The following CADM2 variants were observed in gnomAD, a reference collection of about 807,000 sequenced individuals.
CADM2 encodes the protein cell adhesion molecule 2, also known as immunoglobulin superfamily member 4D.
In CADM2, 12 loss-of-function variants were observed where a neutral mutation model predicts 49.8. That is an observed-to-expected ratio of 0.24 (90% confidence interval 0.15 to 0.39). The LOEUF is 0.39. CADM2 is among the 10% of genes least tolerant of loss of function. The pLI is 1.00. For missense variants in CADM2, 378 were observed against 492.3 expected (o/e 0.77, Z 2.20); for synonymous variants, 214 against 175.4 (o/e 1.22, Z -1.74).
intron 7 of CADM2, among the ~76,000 whole-genome samples, chr3:85,943,463 T>C (rs1224651417): frequency 6.7e-6 from 1 of 148,708 alleles, no homozygotes; most frequent in African/African-American, 2.5e-5. Flanking sequence ...GTTTTTATGG[T>C]TTTAGGTCTA....
intron 1 of CADM2, among the ~76,000 whole-genome samples, chr3:85,055,203 G>A (rs182322995): frequency 2.5e-3 from 384 of 152,012 alleles, no homozygotes; most frequent in African/African-American, 8.0e-3. Context: ...GGATAAATGA[G>A]AAAGAACTAT....
chr3:85,797,658 A>T (rs2071710168), intron 2 of CADM2, among the ~76,000 whole-genome samples: 4 of 152,114 alleles, frequency 2.6e-5, no homozygotes, highest in African/African-American at 4.8e-5. Flanking sequence ...CCAGTCTAAC[A>T]TTGGTGGGCA....
At chr3:85,451,674 G>C (rs894793593) in intron 1 of CADM2, among the ~76,000 whole-genome samples, 2 of 152,142 alleles carry the variant, frequency 1.3e-5, no homozygotes, top group Non-Finnish European at 2.9e-5. Context: ...TAGTTAGTGA[G>C]TGAATGGATT....
chr3:85,326,937 G>T (rs1472274621), intron 1 of CADM2, among the ~76,000 whole-genome samples: 2 of 150,986 alleles, frequency 1.3e-5, no homozygotes, highest in African/African-American at 4.9e-5. Context: ...TTCAGAGAAA[G>T]ATTAGATCAA....
At chr3:85,540,224 A>G (rs548791340) in intron 1 of CADM2, among the ~76,000 whole-genome samples, 2 of 152,268 alleles carry the variant, frequency 1.3e-5, no homozygotes, top group East Asian at 3.9e-4. Flanking sequence ...ATACTAAATT[A>G]TAACCTGTAG....
At chr3:85,815,745 G>A (rs1022619795) in intron 3 of CADM2, among the ~76,000 whole-genome samples, 2 of 152,192 alleles carry the variant, frequency 1.3e-5, no homozygotes, top group Non-Finnish European at 2.9e-5. Flanking sequence ...GTTCTGGCCC[G>A]GACAATGAGG....
At chr3:85,305,431 A>T (rs1286594962) in intron 1 of CADM2, among the ~76,000 whole-genome samples, 1 of 151,724 alleles carries the variant, frequency 6.6e-6, no homozygotes, top group Non-Finnish European at 1.5e-5. Flanking sequence ...ACAGACAGTC[A>T]TTAGTAGAAA....
At chr3:85,965,357 C>T (rs1577803161) in intron 8 of CADM2, among the ~76,000 whole-genome samples, 1 of 149,814 alleles carries the variant, frequency 6.7e-6, no homozygotes, top group Non-Finnish European at 1.5e-5. Flanking sequence ...ATATGACATA[C>T]TTTGTAAATG....
chr3:85,206,651 A>C (rs554321518), intron 1 of CADM2, among the ~76,000 whole-genome samples: 1 of 152,072 alleles, frequency 6.6e-6, no homozygotes, highest in African/African-American at 2.4e-5. Context: ...CTTTTTTCAG[A>C]CTGTCTTGAT....
chr3:85,720,714 T>C (rs1265312631), intron 1 of CADM2, among the ~76,000 whole-genome samples: 1 of 152,200 alleles, frequency 6.6e-6, no homozygotes, highest in African/African-American at 2.4e-5. Context: ...GATGCTATTT[T>C]AATAAGTTTC....
intron 8 of CADM2, among the ~76,000 whole-genome samples, chr3:86,007,158 C>T (rs1730902601): frequency 7.5e-6 from 1 of 132,922 alleles, no homozygotes; most frequent in Non-Finnish European, 1.6e-5. Context: ...TCCCGAAATT[C>T]TTATGTCCTG....
intron 1 of CADM2, among the ~76,000 whole-genome samples, chr3:85,194,341 T>A (rs2041287460): frequency 6.6e-6 from 1 of 151,992 alleles, no homozygotes; most frequent in South Asian, 2.1e-4. Context: ...CTTAAAACAT[T>A]GGGAAACTAA....
At chr3:85,468,178 A>C (rs1035215816) in intron 1 of CADM2, among the ~76,000 whole-genome samples, 1 of 150,616 alleles carries the variant, frequency 6.6e-6, no homozygotes, top group Admixed American at 6.6e-5. Context: ...AAAAAAAAAA[A>C]AAACATTGAG....
intron 1 of CADM2, among the ~76,000 whole-genome samples, chr3:84,986,095 T>C (rs765200634): frequency 4.6e-5 from 7 of 152,122 alleles, no homozygotes; most frequent in Non-Finnish European, 1.0e-4. Context: ...ACATTTAACA[T>C]AGAGAATTAG....
Position 85,110,066 on chromosome 3 carries a change from A to G in CADM2, c.61+150398A>G, listed in dbSNP as rs191804621. Reference sequence around the variant, plus strand: ...GACACTTGGAAAAATACAAGTATTCATTGATGAGGATATTTAATGTTGTGC... The same window carrying G: ...GACACTTGGAAAAATACAAGTATTCGTTGATGAGGATATTTAATGTTGTGC... On this transcript the variant is annotated intron_variant, in intron 1 of 9. Transcript: ENST00000383699. Among the ~76,000 whole-genome samples, 29 of 152,054 alleles carry G rather than the reference A, an allele frequency of 1.9e-4. No individual in the cohort carries two copies. The South Asian group carries it at 5.8e-3, about 30-fold the overall frequency.
chr3:85,034,018 G>C (rs2035099661), intron 1 of CADM2, among the ~76,000 whole-genome samples: 1 of 151,646 alleles, frequency 6.6e-6, no homozygotes, highest in African/African-American at 2.4e-5. Context: ...TATATTTATG[G>C]AGTACAATGA....
At chr3:85,028,076 T>C (rs1005036625) in intron 1 of CADM2, among the ~76,000 whole-genome samples, 1 of 152,214 alleles carries the variant, frequency 6.6e-6, no homozygotes, top group Non-Finnish European at 1.5e-5. Context: ...TCATAGGATA[T>C]GTGAGGCGTT....
At chr3:85,220,042 A>G (rs185312814) in intron 1 of CADM2, among the ~76,000 whole-genome samples, 100 of 152,290 alleles carry the variant, frequency 6.6e-4, no homozygotes, top group African/African-American at 2.3e-3. Context: ...TAATTAGTCA[A>G]CATTTTGATT....
At chr3:85,168,737 C>G (rs1204539622) in intron 1 of CADM2, among the ~76,000 whole-genome samples, 1 of 152,134 alleles carries the variant, frequency 6.6e-6, no homozygotes, top group Non-Finnish European at 1.5e-5. Flanking sequence ...ATAGACATAT[C>G]TCACATTCAT....
Sources: gnomAD v4.1 joint callset for allele counts (sites outside exome capture counted in the v4.1 genomes callset) on GRCh38, gnomAD v4.1.1 for gene constraint, MANE v1.5 for transcripts, NCBI Gene and HGNC (gene_info 2026-07-23, HGNC 2026-07-21) for gene names.